Variants in ARAP2 observed in about 807,000 individuals in gnomAD.
The protein encoded by ARAP2 is ArfGAP with RhoGAP domain, ankyrin repeat and PH domain 2.
Under a neutral mutation model 194.5 loss-of-function variants are expected in ARAP2, and 148 were observed. That is an observed-to-expected ratio of 0.76 (90% CI 0.67 to 0.87). The LOEUF (loss-of-function observed/expected upper bound fraction) is 0.87, where lower values mean the gene tolerates loss of function less well. ARAP2 is among the 40% of genes least tolerant of loss of function. ARAP2 has a pLI of 0.00. For synonymous variants in ARAP2, 695 were observed against 683.5 expected (o/e 1.02, Z -0.26); for missense variants, 2,128 against 1,989.7 (o/e 1.07, Z -1.32).
intron 27 of ARAP2, among the ~76,000 whole-genome samples, chr4:36,106,797 G>T (rs1327530289): frequency 6.6e-6 from 1 of 151,814 alleles, no homozygotes; most frequent in Non-Finnish European, 1.5e-5. Flanking sequence ...ATGAGCTTTG[G>T]TGTGTGTTGA....
At chr4:36,045,343 G>A (rs1476883570) in intron 5 of ARAP2, among the ~76,000 whole-genome samples, 1 of 152,030 alleles carries the variant, frequency 6.6e-6, no homozygotes, top group African/African-American at 2.4e-5. Flanking sequence ...TATTCACAAT[G>A]GAATACCATT....
chr4:36,036,540 T>C (rs1719955905), intron 5 of ARAP2, among the ~76,000 whole-genome samples: 1 of 152,124 alleles, frequency 6.6e-6, no homozygotes, highest in South Asian at 2.1e-4. Flanking sequence ...ATGATTAATA[T>C]AATTATGTTA....
chr4:36,042,846 C>CTTCTTTT (rs1553875218), intron 5 of ARAP2, among the ~76,000 whole-genome samples: 1 of 124,632 alleles, frequency 8.0e-6, no homozygotes, highest in African/African-American at 2.8e-5. Context: ...TTTTTTTCTT[C>CTTCTTTT]TTTTTTTTTT....
Position 36,133,384 on chromosome 4 carries a change from A to C in ARAP2, c.3269T>G (p.Leu1090Ter). 6.2e-7 allele frequency: 1 copy of C among 1,605,232 alleles called. No homozygotes were observed. Among genetic ancestry groups the C allele is most frequent in the Non-Finnish European group, 8.5e-7 (1 of 1,176,148 alleles). ...VLLLVEKGRT[L>*]YIHGHTKLDF... Reference sequence around the variant, plus strand: ...CAACTTGGTATGCCCATGGATGTATAATGTTCTGTAAAGTTTAAAAAGCAT... The same window carrying C: ...CAACTTGGTATGCCCATGGATGTATCATGTTCTGTAAAGTTTAAAAAGCAT... Residue 1090 changes from leucine (L) to a stop codon, truncating the protein, a stop_gained, in exon 20 of 33, where the codon TTA becomes TGA. Transcript: ENST00000303965. LOFTEE classifies it high-confidence loss of function.
chr4:36,109,776 A>C (rs1463178120), intron 26 of ARAP2, among the ~76,000 whole-genome samples: 1 of 151,810 alleles, frequency 6.6e-6, no homozygotes, highest in Non-Finnish European at 1.5e-5. Context: ...GGTTTGTTAC[A>C]TATGTATACA....
chr4:36,046,932 C>A (rs947216138), intron 3 of ARAP2: 1 of 152,114 alleles, frequency 6.6e-6, no homozygotes, highest in Non-Finnish European at 1.5e-5. Flanking sequence ...ATACATAAAT[C>A]TAAATACTAA....
At chr4:36,007,382 A>T (rs1038952052) in intron 9 of ARAP2, among the ~76,000 whole-genome samples, 2 of 152,202 alleles carry the variant, frequency 1.3e-5, no homozygotes, top group African/African-American at 2.4e-5. Context: ...GAGAAAAACA[A>T]ATGAAACAGA....
chr4:36,058,535 C>T (rs1723894412), intron 1 of ARAP2, among the ~76,000 whole-genome samples: 1 of 152,204 alleles, frequency 6.6e-6, no homozygotes, highest in African/African-American at 2.4e-5. Flanking sequence ...CCTACTTCTT[C>T]AGAATCTGGC....
intron 9 of ARAP2, 49 bp from the exon 10 acceptor site, chr4:36,167,096 T>C (rs777523747): frequency 9.0e-6 from 9 of 999,328 alleles, no homozygotes; most frequent in Non-Finnish European, 1.0e-5. Flanking sequence ...AAAAAAAAGA[T>C]TTTGAAAGTA....
chr4:36,242,745 C>T lies in ARAP2; in HGVS notation c.-160+1434G>A, dbSNP rs73809158. On this transcript the variant is annotated intron_variant, in intron 1 of 32. Transcript: ENST00000303965. The stretch of plus-strand genomic sequence containing the variant: ...AGCTTCTCCTTTTACAGACAAGCCA[C>T]ATAAAATCTGACAGGTTTACAGACG... 5.9e-3 allele frequency among the ~76,000 whole-genome samples: 893 copies of T among 152,270 alleles called. 12 individuals carry two copies. The highest frequency in any genetic ancestry group is 0.019 in the African/African-American group (810 of 41,556).
In ARAP2 at chr4:36,126,587, T is replaced by C. The variant is rs565415731; in HGVS notation, c.3641-1620A>G. Among the ~76,000 whole-genome samples the C allele has an allele frequency of 2.6e-5, 4 of 152,176 alleles. No individual in the cohort carries two copies. The East Asian group carries it at 7.8e-4, about 30-fold the overall frequency. ...AATTCACTTAGACAGTACTAGTTTA[T>C]TCTTTTCAGGCCCAACATGGCCACT... On this transcript the variant is annotated intron_variant, in intron 21 of 32. Transcript: ENST00000303965.
At chr4:36,111,122 T>G (rs1028846893) in intron 26 of ARAP2, among the ~76,000 whole-genome samples, 1 of 152,008 alleles carries the variant, frequency 6.6e-6, no homozygotes, top group African/African-American at 2.4e-5. Context: ...TCTAGCATTC[T>G]GGCTTACATA....
At chr4:36,183,311 T>C (rs556863651) in intron 8 of ARAP2, among the ~76,000 whole-genome samples, 14 of 152,108 alleles carry the variant, frequency 9.2e-5, no homozygotes, top group Non-Finnish European at 1.8e-4. Context: ...AAAAAAGACT[T>C]TTCCATATCA....
At position 36,155,787 on chromosome 4, in the gene ARAP2, T is replaced by C. The variant is rs534706771; in HGVS notation, c.2752+2943A>G. On this transcript the variant is annotated intron_variant, in intron 15 of 32. Transcript: ENST00000303965. ...ACGTCATTCTCCTAAAAAGGTCTTT[T>C]AGGTCACAATAAAAAATAAGGTTAT... Among the ~76,000 whole-genome samples the C allele has an allele frequency of 5.9e-5, 9 of 152,088 alleles. No individual in the cohort carries two copies. The East Asian group carries it at 1.5e-3, about 26-fold the overall frequency.
At position 36,067,889 on chromosome 4, in the gene ARAP2, A is replaced by G; in HGVS notation, c.*18T>C. 6.5e-7 allele frequency: 1 copy of G among 1,548,204 alleles called. No individual in the cohort carries two copies. The highest frequency in any genetic ancestry group is 8.7e-7 in the Non-Finnish European group (1 of 1,146,848). ...ACAATATTAAAAAAATAATCTGGGGAGCAATTCATTTTATTTCCTACTTCA... is the reference window on the plus strand; with the variant it reads ...ACAATATTAAAAAAATAATCTGGGGGGCAATTCATTTTATTTCCTACTTCA... On this transcript the variant is annotated 3_prime_UTR_variant, in exon 33 of 33. Coordinates refer to ENST00000303965, the MANE Select transcript of ARAP2 (RefSeq NM_015230.4).
rs555422667 is a variant in ARAP2, at chr4:36,110,819, A to C, written c.4157-3126T>G. On this transcript the variant is annotated intron_variant, in intron 26 of 32. Coordinates refer to ENST00000303965, the MANE Select transcript of ARAP2 (RefSeq NM_015230.4). ...TGGCGAAATATCATTTAAGTGAAAA[A>C]AAATGTACATGATTATAGCAATCTG... is the stretch of plus-strand genomic sequence containing the variant. Among the ~76,000 whole-genome samples the C allele has an allele frequency of 3.3e-5, 5 of 151,958 alleles. No individual in the cohort carries two copies. The South Asian group carries it at 1.0e-3, about 31-fold the overall frequency.
At chr4:36,236,553 TAGC>T (rs1490185928) in intron 1 of ARAP2, among the ~76,000 whole-genome samples, 1 of 152,168 alleles carries the variant, frequency 6.6e-6, no homozygotes. Flanking sequence ...ATGGGCTTAA[TAGC>T]AGTCAGAGGA....
At chr4:36,169,321 A>G (rs1434866510) in intron 9 of ARAP2, among the ~76,000 whole-genome samples, 1 of 152,176 alleles carries the variant, frequency 6.6e-6, no homozygotes, top group Non-Finnish European at 1.5e-5. Flanking sequence ...AAGGGCACAC[A>G]TAATACTCTG....
chr4:36,082,563 T>A (rs1334659612), intron 29 of ARAP2, among the ~76,000 whole-genome samples: 4 of 152,112 alleles, frequency 2.6e-5, no homozygotes, highest in African/African-American at 9.7e-5. Flanking sequence ...GCCAAATGTC[T>A]ACGAAAATGA....
Sources: gnomAD v4.1 joint callset for allele counts (sites outside exome capture counted in the v4.1 genomes callset) on GRCh38, gnomAD v4.1.1 for gene constraint, MANE v1.5 for transcripts, NCBI Gene and HGNC (gene_info 2026-07-23, HGNC 2026-07-21) for gene names.